The following LRP6 variants were observed in gnomAD, a reference collection of about 807,000 sequenced individuals.
LRP6 encodes the protein low-density lipoprotein receptor-related protein 6.
LRP6 carries 43 observed loss-of-function variants against 184.1 expected under a neutral mutation model. That is an observed-to-expected ratio of 0.23 (90% CI 0.18 to 0.30). LRP6 has a LOEUF of 0.30. Ranked by LOEUF, LRP6 falls within the 10% of genes least tolerant of loss-of-function variation. The pLI is 1.00. For synonymous variants in LRP6, 719 were observed against 684.9 expected (o/e 1.05, Z -0.78); for missense variants, 1,571 against 2,005.3 (o/e 0.78, Z 4.14).
rs115018769 is a variant in LRP6, at chr12:12,256,852, T to C, written c.55+9829A>G. ...CGTATCAAAAGCTGAGATTCAGAAA[T>C]AATTTCTCAAGGTAAAGACTCCAAT... On this transcript the variant is annotated intron_variant, in intron 1 of 22. Coordinates refer to ENST00000261349, the MANE Select transcript of LRP6 (RefSeq NM_002336.3). Among the ~76,000 whole-genome samples, 920 of 152,166 alleles carry C rather than the reference T, an allele frequency of 6.0e-3. 7 individuals carry two copies. The highest frequency in any genetic ancestry group is 0.021 in the African/African-American group (878 of 41,512).
Position 12,131,351 on chromosome 12 carries a change from G to A in LRP6, c.3971-458C>T, listed in dbSNP as rs547980687. Among the ~76,000 whole-genome samples, 10 of 151,458 alleles carry A rather than the reference G, an allele frequency of 6.6e-5. No individual in the cohort carries two copies. In the South Asian group the frequency reaches 1.3e-3, roughly 19 times the overall value. On this transcript the variant is annotated intron_variant, in intron 18 of 22. Transcript: ENST00000261349. ...TCTCTATCTCCTGACCTCGTGATCCGCCCGCCTCGGCCTCCCAAAGTGCTG... is the reference window on the plus strand; with the variant it reads ...TCTCTATCTCCTGACCTCGTGATCCACCCGCCTCGGCCTCCCAAAGTGCTG...
In LRP6 at chr12:12,120,341, A is replaced by T. The variant is rs1298183985; in HGVS notation, c.*785T>A. On this transcript the variant is annotated 3_prime_UTR_variant, in exon 23 of 23. Transcript: ENST00000261349. ...TTTAGTCAATGCTTCAGCTTAAAAA[A>T]ATCATGGTATCTTAGCAAAATGACT... 1 of 152,110 alleles carries T rather than the reference A, an allele frequency of 6.6e-6. No individual in the cohort carries two copies. The highest frequency in any genetic ancestry group is 1.5e-5 in the Non-Finnish European group (1 of 68,030). 9.4% of individuals were successfully genotyped at this position (152,110 alleles called of 1,614,324 possible).
chr12:12,195,221 T>C (rs1205116578), intron 3 of LRP6, among the ~76,000 whole-genome samples: 1 of 152,148 alleles, frequency 6.6e-6, no homozygotes. Flanking sequence ...TGCCAAGTAG[T>C]GGGACTACTG....
intron 7 of LRP6, among the ~76,000 whole-genome samples, chr12:12,167,371 C>T (rs1862908889): frequency 6.6e-6 from 1 of 152,038 alleles, no homozygotes; most frequent in Non-Finnish European, 1.5e-5. Flanking sequence ...AGTCCAGGCG[C>T]GGTGGCTCAC....
At chr12:12,237,517 GA>G (rs1864956004) in intron 2 of LRP6, among the ~76,000 whole-genome samples, 1 of 152,002 alleles carries the variant, frequency 6.6e-6, no homozygotes, top group Non-Finnish European at 1.5e-5. Flanking sequence ...TATTGCAAGG[GA>G]AAAAACAGTA....
Position 12,162,095 on chromosome 12 carries a change from C to T in LRP6, c.2279+98G>A, listed in dbSNP as rs148591252. 8,091 of 922,734 alleles carry T rather than the reference C, an allele frequency of 8.8e-3. 65 individuals are homozygous for T. Among genetic ancestry groups the T allele is most frequent in the Non-Finnish European group, 0.011 (6,170 of 566,812 alleles). The allele number at this position is 922,734 out of a possible 1,614,324, so 57.2% of individuals were successfully genotyped here. ...TCATTTAGTTCTCAGATTCCTAATA[C>T]GTATTATTTAAAACATTAAGAATAT... On this transcript the variant is annotated intron_variant, in intron 10 of 22. Coordinates refer to ENST00000261349, the MANE Select transcript of LRP6 (RefSeq NM_002336.3).
At chr12:12,155,387 C>T (rs1334174821) in intron 12 of LRP6, 3 of 792,110 alleles carry the variant, frequency 3.8e-6, no homozygotes, top group African/African-American at 1.7e-5. Flanking sequence ...TTGTAGACAT[C>T]AAGGGAATGG....
chr12:12,135,856 G>C (rs1949830843), intron 16 of LRP6, among the ~76,000 whole-genome samples: 1 of 151,964 alleles, frequency 6.6e-6, no homozygotes. Flanking sequence ...CTTAATTTTT[G>C]TGAATATGAA....
chr12:12,149,596 A>C (rs1021103146), intron 13 of LRP6, among the ~76,000 whole-genome samples: 9 of 152,222 alleles, frequency 5.9e-5, no homozygotes, highest in African/African-American at 1.9e-4. Flanking sequence ...GTGGGAATAC[A>C]ACTGGTAACT....
At position 12,126,836 on chromosome 12, in the gene LRP6, A is replaced by G; in HGVS notation, c.4167T>C (p.Thr1389=). The change falls in exon 20 of 23, where the codon ACT becomes ACC. Residue 1389 remains threonine, a synonymous_variant. Coordinates refer to ENST00000261349, the MANE Select transcript of LRP6 (RefSeq NM_002336.3). ...ACATCCTCTGGCAGATAAAGTATAC[A>G]GTTCCAGACACAAAAATGGTGACAA... The part of the protein sequence containing the change: ...GVIVTIFVSG[T]VYFICQRMLC... 1.9e-6 allele frequency: 3 copies of G among 1,614,194 alleles called. No individual in the cohort carries two copies. Among genetic ancestry groups the G allele is most frequent in the Non-Finnish European group, 2.5e-6 (3 of 1,179,996 alleles).
At chr12:12,222,917 A>T (rs1864528387) in intron 2 of LRP6, among the ~76,000 whole-genome samples, 1 of 152,178 alleles carries the variant, frequency 6.6e-6, no homozygotes, top group Non-Finnish European at 1.5e-5. Context: ...TAAGTATATA[A>T]AGCATTTAGC....
intron 13 of LRP6, among the ~76,000 whole-genome samples, chr12:12,149,918 G>C (rs1362782174): frequency 6.6e-6 from 1 of 152,078 alleles, no homozygotes; most frequent in African/African-American, 2.4e-5. Context: ...CAGCCCATCA[G>C]TCCTGGCCTA....
In LRP6 at chr12:12,119,422, A is replaced by G. The variant is rs1949563219; in HGVS notation, c.*1704T>C. The G allele has an allele frequency of 6.6e-6, 1 of 152,178 alleles. No individual in the cohort carries two copies. The highest frequency in any genetic ancestry group is 2.4e-5 in the African/African-American group (1 of 41,444). 9.4% of individuals were successfully genotyped at this position (152,178 alleles called of 1,614,324 possible). ...GCTAAAAATACATTAGTTTAAAACC[A>G]TTCAATTTTAGCAGAGAAGTGCTAC... On this transcript the variant is annotated 3_prime_UTR_variant, in exon 23 of 23. Coordinates refer to ENST00000261349, the MANE Select transcript of LRP6 (RefSeq NM_002336.3).
At chr12:12,264,144 A>T (rs1466387334) in intron 1 of LRP6, among the ~76,000 whole-genome samples, 2 of 144,960 alleles carry the variant, frequency 1.4e-5, no homozygotes, top group East Asian at 2.0e-4. Context: ...TTGTCTCTTT[A>T]AAAAAAAAAA....
At chr12:12,254,610 G>A (rs1865416170) in intron 1 of LRP6, among the ~76,000 whole-genome samples, 2 of 152,172 alleles carry the variant, frequency 1.3e-5, no homozygotes, top group Non-Finnish European at 2.9e-5. Flanking sequence ...GAGGTTCAAT[G>A]AGTCTGCCTT....
intron 2 of LRP6, among the ~76,000 whole-genome samples, chr12:12,240,171 C>T (rs1865026733): frequency 6.6e-6 from 1 of 152,140 alleles, no homozygotes; most frequent in Non-Finnish European, 1.5e-5. Flanking sequence ...TAACACATCA[C>T]TCTTATTTTT....
chr12:12,223,730 T>C (rs1348948413), intron 2 of LRP6, among the ~76,000 whole-genome samples: 1 of 152,220 alleles, frequency 6.6e-6, no homozygotes, highest in East Asian at 1.9e-4. Context: ...ACTAACCTTA[T>C]TTAAAGTGTA....
intron 16 of LRP6, among the ~76,000 whole-genome samples, chr12:12,136,658 A>G (rs1034020196): frequency 6.6e-6 from 1 of 152,198 alleles, no homozygotes; most frequent in African/African-American, 2.4e-5. Flanking sequence ...CTCTTCCACA[A>G]TAACATTGGT....
intron 1 of LRP6, among the ~76,000 whole-genome samples, chr12:12,252,727 A>G (rs2135932789): frequency 6.6e-6 from 1 of 152,298 alleles, no homozygotes; most frequent in Admixed American, 6.5e-5. Flanking sequence ...TTAAGAATTC[A>G]CATCATTTAC....
Sources: allele counts gnomAD v4.1 joint callset (sites outside exome capture counted in the v4.1 genomes callset), GRCh38; gene constraint gnomAD v4.1.1; transcripts MANE v1.5; gene names NCBI Gene and HGNC (gene_info 2026-07-23, HGNC 2026-07-21).